PC: variants seen among roughly 807,000 people sequenced by gnomAD.
PC encodes the protein pyruvate carboxylase, mitochondrial.
PC carries 46 observed loss-of-function variants against 107.8 expected under a neutral mutation model. The ratio of observed to expected loss-of-function variants is 0.43; its 90% CI spans 0.34 to 0.55. The LOEUF (loss-of-function observed/expected upper bound fraction) is 0.55, where lower values mean the gene tolerates loss of function less well. Among genes scored for constraint, PC ranks in the 20% least tolerant of loss-of-function variants. The pLI is 0.04. For missense variants in PC, 1,241 were observed against 1,643.1 expected (o/e 0.76, Z 4.23); for synonymous variants, 662 against 684.7 (o/e 0.97, Z 0.52).
At position 66,857,905 on chromosome 11, in the gene PC, G is replaced by A; in HGVS notation, c.1369-4522C>T. On this transcript the variant is annotated intron_variant, in intron 12 of 22. Transcript: ENST00000393960. The surrounding 1 kb of genome is among the most constrained non-coding windows in gnomAD (Gnocchi z 7.1). ...GTGGACCGGCGCACAGTGGAGCTGC[G>A]GCTGGCTGACAACTTCATCCAGGCC... 1 of 1,612,050 alleles carries A rather than the reference G, an allele frequency of 6.2e-7. No individual in the cohort carries two copies. The highest frequency in any genetic ancestry group is 8.5e-7 in the Non-Finnish European group (1 of 1,179,912).
chr11:66,895,332 A>G lies in PC; in HGVS notation c.1-23173T>C, dbSNP rs566890583. ...CTGGTAAACTCAGAACTGGACCCCC[A>G]CCTGCTCCAGCTCCCAGGCAGCATT... On this transcript the variant is annotated intron_variant, in intron 3 of 22. Transcript: ENST00000393960. Among the ~76,000 whole-genome samples, 149 of 152,266 alleles carry G rather than the reference A, an allele frequency of 9.8e-4. 1 individual carries two copies. The highest frequency in any genetic ancestry group is 3.5e-3 in the African/African-American group (147 of 41,556).
At chr11:66,893,382 G>A (rs1373486744) in intron 3 of PC, among the ~76,000 whole-genome samples, 1 of 152,176 alleles carries the variant, frequency 6.6e-6, no homozygotes, top group East Asian at 1.9e-4. Context: ...AGACAGAGTC[G>A]CTTCTCCACT....
At chr11:66,937,822 G>C (rs2136125115) in intron 3 of PC, among the ~76,000 whole-genome samples, 1 of 150,066 alleles carries the variant, frequency 6.7e-6, no homozygotes, top group Middle Eastern at 3.4e-3. Context: ...TGTTGCCTAG[G>C]CTGGAGTACA....
At chr11:66,917,907 T>A (rs1005030175) in intron 3 of PC, among the ~76,000 whole-genome samples, 1 of 152,154 alleles carries the variant, frequency 6.6e-6, no homozygotes, top group Non-Finnish European at 1.5e-5. Flanking sequence ...GAGCCTGGGA[T>A]GGTCCAGGAG....
In PC at chr11:66,857,848, CCCA is replaced by C; in HGVS notation, c.1369-4468_1369-4466del. On this transcript the variant is annotated intron_variant, in intron 12 of 22. Transcript: ENST00000393960. The surrounding 1 kb of genome is among the most constrained non-coding windows in gnomAD (Gnocchi z 7.1). ...TCCGAGTCGCTCAGCACCCTCTGTG[CCCA>C]CCGAGGCCTGCTGTTTGTGCCGCCC... 1 of 1,607,804 alleles carries C rather than the reference CCCA, an allele frequency of 6.2e-7. No homozygotes were observed. The highest frequency in any genetic ancestry group is 1.1e-5 in the South Asian group (1 of 91,070).
chr11:66,905,685 G>GA (rs1181853102), intron 3 of PC, among the ~76,000 whole-genome samples: 1 of 152,160 alleles, frequency 6.6e-6, no homozygotes, highest in African/African-American at 2.4e-5. Flanking sequence ...CACCAATAGA[G>GA]AAATATAGAC....
rs144041059 is a variant in PC at position 66,858,959 on chromosome 11, T to C, written c.1368+4815A>G. The stretch of plus-strand genomic sequence containing the variant: ...CCGAGGGTGAGGGGACGCTGGAGTC[T>C]GAGCCAGCCGTGCAGGTGACGGAGG... On this transcript the variant is annotated intron_variant, in intron 12 of 22. Transcript: ENST00000393960. The surrounding 1 kb of genome is among the most constrained non-coding windows in gnomAD (Gnocchi z 5.9). 6.3e-7 allele frequency: 1 copy of C among 1,576,484 alleles called. No individual in the cohort carries two copies. Among genetic ancestry groups the C allele is most frequent in the African/African-American group, 1.4e-5 (1 of 74,050 alleles).
chr11:66,877,382 T>C (rs1947021213), intron 3 of PC, among the ~76,000 whole-genome samples: 1 of 151,812 alleles, frequency 6.6e-6, no homozygotes, highest in Non-Finnish European at 1.5e-5. Context: ...CGAGACTCCA[T>C]CTCAAAAACA....
At chr11:66,943,063 GT>G (rs1949186577) in intron 3 of PC, among the ~76,000 whole-genome samples, 1 of 151,906 alleles carries the variant, frequency 6.6e-6, no homozygotes, top group African/African-American at 2.4e-5. Flanking sequence ...TAATACATGT[GT>G]TATATGGACA....
intron 3 of PC, among the ~76,000 whole-genome samples, chr11:66,886,673 G>C (rs1947374609): frequency 6.6e-6 from 1 of 152,196 alleles, no homozygotes; most frequent in South Asian, 2.1e-4. Context: ...GCAGGGAAGG[G>C]TGGCCCTGGG....
intron 1 of PC, among the ~76,000 whole-genome samples, chr11:66,954,742 G>A (rs954699585): frequency 3.9e-5 from 6 of 152,108 alleles, no homozygotes; most frequent in South Asian, 4.1e-4. Flanking sequence ...TCAGGAGTTC[G>A]AGACCAGCCT....
Position 66,851,220 on chromosome 11 carries a change from G to GT in PC, c.2042dup (p.Asn681LysfsTer112). On this transcript the variant is annotated frameshift_variant, in exon 17 of 23. Coordinates refer to ENST00000393960, the MANE Select transcript of PC (RefSeq NM_001040716.2). LOFTEE classifies it high-confidence loss of function. ...TGCCCAGCAGCATGTTGGGCAAGTA[G>GT]TTGAGGGAGTCAAACACACGGAAGA... is the stretch of plus-strand genomic sequence containing the variant. 6.2e-7 allele frequency: 1 copy of GT among 1,607,352 alleles called. No homozygotes were observed. Among genetic ancestry groups the GT allele is most frequent in the South Asian group, 1.1e-5 (1 of 91,090 alleles).
intron 3 of PC, among the ~76,000 whole-genome samples, chr11:66,892,014 T>C (rs1359521063): frequency 6.6e-6 from 1 of 152,176 alleles, no homozygotes; most frequent in East Asian, 1.9e-4. Context: ...TGAGCTGTAA[T>C]AAATCTTTAT....
At chr11:66,860,689 G>A (rs766480758) in intron 12 of PC, 3 of 701,072 alleles carry the variant, frequency 4.3e-6, no homozygotes, top group Non-Finnish European at 7.8e-6. Flanking sequence ...CATGGGCTTG[G>A]GCAGGCGGCC....
At chr11:66,947,693 T>G (rs1213584246) in intron 3 of PC, among the ~76,000 whole-genome samples, 2 of 151,996 alleles carry the variant, frequency 1.3e-5, no homozygotes, top group African/African-American at 2.4e-5. Context: ...CCAGGTGCGG[T>G]AGCTCACGCA....
chr11:66,958,057 G>T (rs952748258), intron 1 of PC: 8 of 151,290 alleles, frequency 5.3e-5, no homozygotes, highest in Admixed American at 4.6e-4. Flanking sequence ...GCGGAGGGGC[G>T]CTCGGGGGCT....
At chr11:66,929,876 C>A (rs1420742989) in intron 3 of PC, among the ~76,000 whole-genome samples, 1 of 152,024 alleles carries the variant, frequency 6.6e-6, no homozygotes, top group Non-Finnish European at 1.5e-5. Context: ...AACATTCAGG[C>A]TAAAACCCTA....
chr11:66,880,202 C>T (rs185132285), intron 3 of PC, among the ~76,000 whole-genome samples: 2 of 152,198 alleles, frequency 1.3e-5, no homozygotes, highest in African/African-American at 4.8e-5. Flanking sequence ...GAATCAACAT[C>T]GGCTGGGAGA....
intron 3 of PC, among the ~76,000 whole-genome samples, chr11:66,904,476 A>G (rs949200487): frequency 1.3e-5 from 2 of 152,168 alleles, no homozygotes; most frequent in Non-Finnish European, 2.9e-5. Flanking sequence ...CTGCCTCTAA[A>G]AAAATACAAA....
Sources: allele counts gnomAD v4.1 joint callset (sites outside exome capture counted in the v4.1 genomes callset), GRCh38; gene constraint gnomAD v4.1.1; non-coding constraint Gnocchi (gnomAD v3.1); transcripts MANE v1.5; gene names NCBI Gene and HGNC (gene_info 2026-07-23, HGNC 2026-07-21).